CNKSR2: variants seen among roughly 807,000 people sequenced by gnomAD.
CNKSR2 encodes the protein CNK homolog protein 2.
Under a neutral mutation model 84.4 loss-of-function variants are expected in CNKSR2, and 14 were observed. The observed-to-expected ratio is 0.17, with a 90% CI of 0.11 to 0.26. The LOEUF (loss-of-function observed/expected upper bound fraction) is 0.26. Ranked by LOEUF, CNKSR2 falls within the 10% of genes least tolerant of loss-of-function variation. The pLI, the probability that CNKSR2 is intolerant of heterozygous loss-of-function variation, is 1.00. For missense variants in CNKSR2, 485 were observed against 771.2 expected (o/e 0.63, Z 4.40); for synonymous variants, 275 against 277.9 (o/e 0.99, Z 0.10).
At chrX:21,426,286 G>T in intron 1 of CNKSR2, 1 of 376,785 alleles carries the variant, frequency 2.7e-6, no homozygotes, top group Non-Finnish European at 4.5e-6. Flanking sequence ...ATTCAACTAG[G>T]TACCTAACAA....
At chrX:21,642,938 T>G (rs2092696309) in intron 20 of CNKSR2, 1 of 455,916 alleles carries the variant, frequency 2.2e-6, no homozygotes, top group Admixed American at 9.2e-5. Context: ...TTCTGGTATA[T>G]AGAAATCCAT....
chrX:21,482,862 G>C (rs937507506), intron 5 of CNKSR2, among the ~76,000 whole-genome samples: 1 of 111,605 alleles, frequency 9.0e-6, no homozygotes, highest in Admixed American at 9.6e-5. Flanking sequence ...CCCACCATGA[G>C]AGTTTGACAT....
chrX:21,614,966 C>G (rs752986839), intron 20 of CNKSR2, among the ~76,000 whole-genome samples: 2 of 111,952 alleles, frequency 1.8e-5, no homozygotes, highest in South Asian at 7.5e-4. Context: ...TGGATCCTTC[C>G]AGCAGACTTA....
intron 20 of CNKSR2, chrX:21,643,753 A>T (rs1013548975): frequency 9.0e-6 from 1 of 111,630 alleles, no homozygotes; most frequent in South Asian, 3.7e-4. Flanking sequence ...CTAGTAGTTG[A>T]TTACAGATGG....
chrX:21,455,879 C>G (rs1030715450), intron 4 of CNKSR2, among the ~76,000 whole-genome samples: 3 of 111,569 alleles, frequency 2.7e-5, no homozygotes, highest in Non-Finnish European at 5.7e-5. Flanking sequence ...TCATGCTATT[C>G]CCCTTGTCTT....
intron 20 of CNKSR2, among the ~76,000 whole-genome samples, chrX:21,615,370 A>G (rs2092572117): frequency 8.9e-6 from 1 of 112,009 alleles, no homozygotes; most frequent in African/African-American, 3.2e-5. Flanking sequence ...ATGTTTTCCT[A>G]TAGACAATAA....
At chrX:21,470,583 T>A (rs141378952) in intron 4 of CNKSR2, among the ~76,000 whole-genome samples, 183 bp from the exon 5 acceptor site, 237 of 111,148 alleles carry the variant, frequency 2.1e-3, no homozygotes, top group African/African-American at 7.0e-3. Context: ...ATAGCCTCTG[T>A]TACTGACCAT....
rs780184046 is a variant in CNKSR2 at position 21,609,077 on chromosome X, T to A, written c.2152T>A (p.Cys718Ser). 1.8e-5 allele frequency: 22 copies of A among 1,200,535 alleles called. No homozygotes were observed. Among genetic ancestry groups the A allele is most frequent in the Non-Finnish European group, 2.5e-5 (22 of 890,392 alleles). Residue 718 changes from cysteine to serine, a missense_variant, in exon 20 of 22, where the codon TGC becomes AGC. Cys to Ser is a moderately radical substitution (Grantham distance 112). Coordinates refer to ENST00000379510, the MANE Select transcript of CNKSR2 (RefSeq NM_014927.5). ...CAGGGGCTCCTTTCTACAGATGAGT[T>A]GCGCCAGTCCTTATGTGGAAGCAAA... ...DTYPRPPSMS[C>S]ASPYVEAKHS...
Position 21,609,359 on chromosome X carries a change from A to G in CNKSR2, c.2434A>G (p.Thr812Ala), listed in dbSNP as rs775630809. Residue 812 changes from threonine to alanine, a missense_variant, in exon 20 of 22, where the codon ACT becomes GCT. Coordinates refer to ENST00000379510, the MANE Select transcript of CNKSR2 (RefSeq NM_014927.5). The part of the protein sequence containing the change: ...PEHRRQSTLP[T>A]QKCHLQDHYG... ...GCACAGGCGGCAGTCTACCCTGCCAACTCAGAAATGCCACCTGCAGGATCA... is the reference window on the plus strand; with the variant it reads ...GCACAGGCGGCAGTCTACCCTGCCAGCTCAGAAATGCCACCTGCAGGATCA... 2 of 1,209,792 alleles carry G rather than the reference A, an allele frequency of 1.7e-6. No individual in the cohort carries two copies. The highest frequency in any genetic ancestry group is 3.5e-5 in the African/African-American group (2 of 57,027).
chrX:21,599,950 G>A (rs2092472253), intron 17 of CNKSR2, among the ~76,000 whole-genome samples: 1 of 111,798 alleles, frequency 8.9e-6, no homozygotes, highest in Non-Finnish European at 1.9e-5. Flanking sequence ...GGATGTGTGT[G>A]TGTGTGTCTA....
At chrX:21,490,679 A>G in intron 6 of CNKSR2, 101 bp downstream of exon 6, 1 of 880,548 alleles carries the variant, frequency 1.1e-6, no homozygotes, top group Non-Finnish European at 1.5e-6. Context: ...ATTTCAACAG[A>G]CACTGAACAT....
At chrX:21,524,195 G>C (rs1187197849) in intron 9 of CNKSR2, among the ~76,000 whole-genome samples, 1 of 110,406 alleles carries the variant, frequency 9.1e-6, no homozygotes, top group Non-Finnish European at 1.9e-5. Context: ...TGAGCCAGAT[G>C]GTATTTCCAT....
In CNKSR2 at chrX:21,583,781, A is replaced by G. The variant is rs1001667558; in HGVS notation, c.1609-6791A>G. On this transcript the variant is annotated intron_variant, in intron 13 of 21. Coordinates refer to ENST00000379510, the MANE Select transcript of CNKSR2 (RefSeq NM_014927.5). Reference sequence around the variant, plus strand: ...AATAAGTGCTTCTGATAATTTGAGGATAAGAATGACCCAAATTACCCTGCC... The same window carrying G: ...AATAAGTGCTTCTGATAATTTGAGGGTAAGAATGACCCAAATTACCCTGCC... Among the ~76,000 whole-genome samples, 3 of 111,655 alleles carry G rather than the reference A, an allele frequency of 2.7e-5. No homozygotes were observed. The East Asian group carries it at 8.4e-4, about 31-fold the overall frequency.
chrX:21,548,906 T>C lies in CNKSR2; in HGVS notation c.1304-12565T>C, dbSNP rs2092056305. On this transcript the variant is annotated intron_variant, in intron 11 of 21. Transcript: ENST00000379510. ...CTAAAAACTCTGAATAAAATAGGTA[T>C]TGATGGAACGTATCTCAAAATAATA... Among the ~76,000 whole-genome samples, 4 of 112,284 alleles carry C rather than the reference T, an allele frequency of 3.6e-5. No individual in the cohort carries two copies. In the South Asian group the frequency reaches 1.5e-3, roughly 42 times the overall value.
intron 20 of CNKSR2, among the ~76,000 whole-genome samples, chrX:21,640,516 C>T (rs760326266): frequency 8.9e-6 from 1 of 111,872 alleles, no homozygotes; most frequent in East Asian, 2.8e-4. Flanking sequence ...ATTAGTTCCG[C>T]TGATTTCTGA....
chrX:21,384,404 TCA>T (rs2083160173), intron 1 of CNKSR2, among the ~76,000 whole-genome samples: 1 of 112,245 alleles, frequency 8.9e-6, no homozygotes, highest in South Asian at 3.7e-4. Context: ...CCAGAGACTT[TCA>T]GTTTGATGTT....
chrX:21,613,681 C>T lies in CNKSR2; in HGVS notation c.2692+4064C>T, dbSNP rs775310036. ...CTAGACTGAGTTTTGTGGCTCACGC[C>T]TGTAATCCCAGCACTTTGGGAGGCC... On this transcript the variant is annotated intron_variant, in intron 20 of 21. Coordinates refer to ENST00000379510, the MANE Select transcript of CNKSR2 (RefSeq NM_014927.5). Among the ~76,000 whole-genome samples, 9 of 112,528 alleles carry T rather than the reference C, an allele frequency of 8.0e-5. No homozygotes were observed. In the South Asian group the frequency reaches 1.5e-3, roughly 18 times the overall value.
rs2089788797 is a variant in CNKSR2 at position 21,375,096 on chromosome X, G to A, written c.64+135G>A. ...CGGATCGTCGTACGCGTCGGGGCGGGGGTCCTCCAGGACTGGCAGGGGCCT... is the reference window on the plus strand; with the variant it reads ...CGGATCGTCGTACGCGTCGGGGCGGAGGTCCTCCAGGACTGGCAGGGGCCT... On this transcript the variant is annotated intron_variant, in intron 1 of 21. Coordinates refer to ENST00000379510, the MANE Select transcript of CNKSR2 (RefSeq NM_014927.5). 7.3e-6 allele frequency: 4 copies of A among 551,681 alleles called. No individual in the cohort carries two copies. The South Asian group carries it at 7.8e-5, about 11-fold the overall frequency. The allele number at this position is 551,681 out of a possible 1,213,427, so 45.5% of individuals were successfully genotyped here. A position where few individuals can be genotyped will look rare whatever the true frequency, so the allele number is the denominator to read the frequency against.
At chrX:21,562,333 T>G (rs1372588497) in intron 12 of CNKSR2, among the ~76,000 whole-genome samples, 1 of 111,432 alleles carries the variant, frequency 9.0e-6, no homozygotes, top group Non-Finnish European at 1.9e-5. Context: ...GAATGTAAGT[T>G]CACTAAGCTT....
Sources: gnomAD v4.1 joint callset for allele counts (sites outside exome capture counted in the v4.1 genomes callset) on GRCh38, gnomAD v4.1.1 for gene constraint, MANE v1.5 for transcripts, NCBI Gene and HGNC (gene_info 2026-07-23, HGNC 2026-07-21) for gene names.